The following PDE1C variants were observed in gnomAD, a reference collection of about 807,000 sequenced individuals.
PDE1C encodes phosphodiesterase 1C.
In PDE1C, 62 loss-of-function variants were observed where a neutral mutation model predicts 93.1. That is an observed-to-expected ratio of 0.67 (90% confidence interval 0.54 to 0.82). PDE1C has a LOEUF of 0.82. Ranked by LOEUF, PDE1C falls within the 40% of genes least tolerant of loss-of-function variation. The pLI is 0.00. For synonymous variants in PDE1C, 325 were observed against 310.1 expected, an observed-to-expected ratio of 1.05 and a Z score of -0.50; for missense variants, 742 against 884.6, an observed-to-expected ratio of 0.84 and a Z score of 2.04.
intron 1 of PDE1C, among the ~76,000 whole-genome samples, chr7:32,324,410 T>C (rs1260723819): frequency 6.6e-6 from 1 of 152,214 alleles, no homozygotes; most frequent in African/African-American, 2.4e-5. Context: ...CCACTTACCC[T>C]AGCAACAAGC....
chr7:32,128,963 C>T (rs1450079003), intron 3 of PDE1C, among the ~76,000 whole-genome samples: 1 of 64,490 alleles, frequency 1.6e-5, no homozygotes, highest in Non-Finnish European at 3.2e-5. Flanking sequence ...AAAGAAAAAT[C>T]TAAAAAAAAC....
the PDE1C span, among the ~76,000 whole-genome samples, chr7:31,691,718 A>ACCATGTT: frequency 7.4e-3 from 1,098 of 149,030 alleles, 14 homozygotes; most frequent in Non-Finnish European, 0.012. Flanking sequence ...ATTTTCTCCT[A>ACCATGTT]CCATGTTTCT....
intron 1 of PDE1C, among the ~76,000 whole-genome samples, chr7:32,237,021 T>C (rs188427637): frequency 2.3e-4 from 35 of 150,966 alleles, no homozygotes; most frequent in African/African-American, 6.8e-4. Flanking sequence ...GGCATTATTC[T>C]GAGTCAAAAA....
At chr7:32,411,631 A>ATAC (rs1458272576) in intron 1 of PDE1C, among the ~76,000 whole-genome samples, 1 of 152,228 alleles carries the variant, frequency 6.6e-6, no homozygotes, top group East Asian at 1.9e-4. Flanking sequence ...ACATTACTGT[A>ATAC]TACTACTGTA....
At chr7:32,070,078 G>A (rs1002562775) in intron 1 of PDE1C, among the ~76,000 whole-genome samples, 5 of 152,162 alleles carry the variant, frequency 3.3e-5, no homozygotes, top group Non-Finnish European at 7.3e-5. Flanking sequence ...AGCATGACTT[G>A]GAACAGCAAG....
At chr7:31,931,965 G>T (rs1804365974) in intron 2 of PDE1C, among the ~76,000 whole-genome samples, 1 of 152,180 alleles carries the variant, frequency 6.6e-6, no homozygotes, top group African/African-American at 2.4e-5. Flanking sequence ...AAGCTATGGG[G>T]AAAGGATTCC....
intron 17 of PDE1C, among the ~76,000 whole-genome samples, chr7:31,755,743 G>C (rs910127827): frequency 1.3e-5 from 2 of 152,126 alleles, no homozygotes; most frequent in Non-Finnish European, 2.9e-5. Context: ...AGTCCACACT[G>C]ATATAAATAA....
intron 2 of PDE1C, among the ~76,000 whole-genome samples, chr7:32,021,151 G>C (rs576759252): frequency 1.3e-5 from 2 of 152,184 alleles, no homozygotes; most frequent in Non-Finnish European, 2.9e-5. Context: ...TCTATCCCCA[G>C]TGAAGCTGGC....
intron 1 of PDE1C, among the ~76,000 whole-genome samples, chr7:32,394,475 G>A (rs562572441): frequency 7.4e-4 from 113 of 152,294 alleles, no homozygotes; most frequent in Non-Finnish European, 1.1e-3. Flanking sequence ...ACAGGATTAA[G>A]TGAGTTCTCA....
At chr7:31,662,544 G>A in the PDE1C span, among the ~76,000 whole-genome samples, 1 of 151,674 alleles carries the variant, frequency 6.6e-6, no homozygotes, top group Non-Finnish European at 1.5e-5. Flanking sequence ...GTGTGTATGT[G>A]TCTGTGTTGT....
chr7:31,645,528 T>C, the PDE1C span, among the ~76,000 whole-genome samples: 2 of 151,532 alleles, frequency 1.3e-5, no homozygotes, highest in African/African-American at 4.9e-5. Context: ...TGCTGGGTGG[T>C]TCTTGAGTAT....
At chr7:32,210,033 TA>T (rs967603291) in intron 1 of PDE1C, among the ~76,000 whole-genome samples, 1 of 152,218 alleles carries the variant, frequency 6.6e-6, no homozygotes, top group Non-Finnish European at 1.5e-5. Context: ...AGAAAGATAT[TA>T]AATTTAGATG....
At chr7:32,421,696 A>C (rs1583437037) in intron 1 of PDE1C, among the ~76,000 whole-genome samples, 1 of 152,218 alleles carries the variant, frequency 6.6e-6, no homozygotes, top group African/African-American at 2.4e-5. Context: ...TGTCATCAAT[A>C]ATAAGTAAAA....
At chr7:31,721,885 A>G in the PDE1C span, among the ~76,000 whole-genome samples, 2 of 152,202 alleles carry the variant, frequency 1.3e-5, no homozygotes, top group African/African-American at 4.8e-5. Context: ...AGGTGCTTTC[A>G]CCAAGGGACT....
At chr7:32,132,118 A>G (rs943707762) in intron 3 of PDE1C, among the ~76,000 whole-genome samples, 2 of 152,058 alleles carry the variant, frequency 1.3e-5, no homozygotes, top group South Asian at 2.1e-4. Context: ...TGACTTAGGT[A>G]AAGGGTGCTT....
intron 9 of PDE1C, among the ~76,000 whole-genome samples, chr7:31,844,592 GA>G (rs578021090): frequency 2.8e-4 from 43 of 151,898 alleles, no homozygotes; most frequent in Non-Finnish European, 4.9e-4. Context: ...TCAGCAGTTT[GA>G]CTATAATATG....
chr7:32,374,231 A>AG, intron 1 of PDE1C, among the ~76,000 whole-genome samples: 1 of 147,064 alleles, frequency 6.8e-6, no homozygotes, highest in African/African-American at 2.5e-5. Flanking sequence ...AAAGAAAGAA[A>AG]AAGAAAGAAG....
chr7:32,119,447 A>G (rs1312808689), intron 3 of PDE1C, among the ~76,000 whole-genome samples: 1 of 152,204 alleles, frequency 6.6e-6, no homozygotes, highest in Non-Finnish European at 1.5e-5. Flanking sequence ...CAAGGCTGGT[A>G]AACTTTCCAA....
intron 1 of PDE1C, among the ~76,000 whole-genome samples, chr7:32,219,814 T>C (rs1806706418): frequency 2.0e-5 from 3 of 152,186 alleles, no homozygotes; most frequent in Non-Finnish European, 4.4e-5. Flanking sequence ...ACAATATTGA[T>C]ATGGTTTGGC....
Sources: allele counts gnomAD v4.1 joint callset (sites outside exome capture counted in the v4.1 genomes callset), GRCh38; gene constraint gnomAD v4.1.1; transcripts MANE v1.5; gene names NCBI Gene and HGNC (gene_info 2026-07-23, HGNC 2026-07-21).